PCDHGB7: variants seen among roughly 807,000 people sequenced by gnomAD.
The protein encoded by PCDHGB7 is protocadherin gamma-B7.
Under a neutral mutation model 61.4 loss-of-function variants are expected in PCDHGB7, and 37 were observed. The observed-to-expected ratio is 0.60, with a 90% confidence interval of 0.46 to 0.79. The LOEUF is 0.79. Ranked by LOEUF, PCDHGB7 falls within the 30% of genes least tolerant of loss-of-function variation. The probability of loss-of-function intolerance (pLI) is 0.00; values close to 1 mark genes in which losing one functional copy is unlikely to be tolerated. For synonymous variants in PCDHGB7, 464 were observed against 503.5 expected (o/e 0.92, Z 1.05); for missense variants, 1,166 against 1,202.5 (o/e 0.97, Z 0.45).
At chr5:141,427,492 T>C (rs894605769) in intron 1 of PCDHGB7, 1 of 555,624 alleles carries the variant, frequency 1.8e-6, no homozygotes, top group Non-Finnish European at 3.4e-6. Context: ...TATAAGCTTG[T>C]AACAGATGGG....
chr5:141,500,182 A>ATTTT lies in PCDHGB7; in HGVS notation c.2475-5209_2475-5206dup, dbSNP rs1199992745. Among the ~76,000 whole-genome samples the ATTTT allele has an allele frequency of 1.7e-3, 223 of 131,716 alleles. 2 individuals are homozygous for ATTTT. Among genetic ancestry groups the ATTTT allele is most frequent in the African/African-American group, 6.2e-3 (201 of 32,350 alleles). The allele number at this position is 131,716 out of a possible 152,430, so 86.4% of individuals were successfully genotyped here. On this transcript the variant is annotated intron_variant, in intron 2 of 3. Transcript: ENST00000398594. ...AAGAACATGCATGAGCTTCATTTTT[A>ATTTT]TTTTTATTTATTTATTTATTTATTT...
At chr5:141,464,407 A>C (rs996561936) in intron 1 of PCDHGB7, among the ~76,000 whole-genome samples, 1 of 151,544 alleles carries the variant, frequency 6.6e-6, no homozygotes, top group Non-Finnish European at 1.5e-5. Flanking sequence ...CCTGAGATAT[A>C]TATATATCTA....
chr5:141,508,183 A>G (rs1596134418), intron 3 of PCDHGB7: 1 of 152,336 alleles, frequency 6.6e-6, no homozygotes, highest in African/African-American at 2.4e-5. Context: ...GAGAGAAGGC[A>G]TCACCCCCAC....
rs1473408777 is a variant in PCDHGB7, at chr5:141,419,045, T to G, written c.1186T>G (p.Ser396Ala). ...LSRGVPFKIH[S>A]SSNNYYKLVT... The stretch of plus-strand genomic sequence containing the variant: ...TAGAGGTGTTCCATTTAAGATTCAT[T>G]CTTCTTCTAATAATTACTACAAGCT... Residue 396 changes from serine (S) to alanine (A), a missense_variant, in exon 1 of 4, where the codon TCT (serine) becomes GCT (alanine). Ser to Ala is a moderately conservative substitution (Grantham distance 99, BLOSUM62 1). Coordinates refer to ENST00000398594, the MANE Select transcript of PCDHGB7 (RefSeq NM_018927.4). 6.2e-7 allele frequency: 1 copy of G among 1,613,710 alleles called. No homozygotes were observed. Among genetic ancestry groups the G allele is most frequent in the Non-Finnish European group, 8.5e-7 (1 of 1,179,678 alleles).
intron 1 of PCDHGB7, among the ~76,000 whole-genome samples, chr5:141,455,253 C>T (rs187877877): frequency 6.6e-6 from 1 of 151,986 alleles, no homozygotes; most frequent in East Asian, 1.9e-4. Flanking sequence ...ATAGTACAAT[C>T]GCATTTCTTC....
chr5:141,432,287 G>T lies in PCDHGB7; in HGVS notation c.2415+12013G>T. 1 of 1,614,216 alleles carries T rather than the reference G, an allele frequency of 6.2e-7. No individual in the cohort carries two copies. The highest frequency in any genetic ancestry group is 8.5e-7 in the Non-Finnish European group (1 of 1,180,030). On this transcript the variant is annotated intron_variant, in intron 1 of 3. Coordinates refer to ENST00000398594, the MANE Select transcript of PCDHGB7 (RefSeq NM_018927.4). This position sits in a 1 kb window ranked among gnomAD's most constrained non-coding sequence, Gnocchi z 6.0. ...ATCGTCCTACGTGTCCATCAACTCC[G>T]ACACTGGGGTACTGTATGCGCTGAG...
intron 1 of PCDHGB7, among the ~76,000 whole-genome samples, chr5:141,450,976 C>T (rs2098702750): frequency 6.6e-6 from 1 of 152,032 alleles, no homozygotes; most frequent in Admixed American, 6.6e-5. Flanking sequence ...AGGCATGTGC[C>T]ACCACACCCG....
In PCDHGB7 at chr5:141,485,109, C is replaced by A; in HGVS notation, c.2416-9698C>A. ...AGATAGGTGTCTCCAGCTGCTGTGG[C>A]TGTTTGGGGCGGGTCGGCTTCATCC... On this transcript the variant is annotated intron_variant, in intron 1 of 3. Transcript: ENST00000398594. This position sits in a 1 kb window ranked among gnomAD's most constrained non-coding sequence, Gnocchi z 5.7. The A allele has an allele frequency of 1.6e-6, 2 of 1,230,962 alleles. No individual in the cohort carries two copies. The highest frequency in any genetic ancestry group is 2.4e-6 in the Non-Finnish European group (2 of 850,024). The allele number at this position is 1,230,962 out of a possible 1,614,324, so 76.3% of individuals were successfully genotyped here.
chr5:141,468,039 A>G (rs1007212946), intron 1 of PCDHGB7, among the ~76,000 whole-genome samples: 21 of 152,262 alleles, frequency 1.4e-4, no homozygotes, highest in African/African-American at 5.1e-4. Context: ...CATTTAGAAA[A>G]CTAAGCCGGG....
chr5:141,446,594 A>G (rs571957656), intron 1 of PCDHGB7, among the ~76,000 whole-genome samples: 8 of 152,136 alleles, frequency 5.3e-5, no homozygotes, highest in African/African-American at 1.9e-4. Flanking sequence ...CTTCTGCCTC[A>G]GCCTCCTGAG....
chr5:141,432,919 C>T lies in PCDHGB7; in HGVS notation c.2415+12645C>T. ...TGGCGCTCAGGCTGCGGCGCTGGCACAAGTCACGCCTGCTGCAGGCTTCAG... is the reference window on the plus strand; with the variant it reads ...TGGCGCTCAGGCTGCGGCGCTGGCATAAGTCACGCCTGCTGCAGGCTTCAG... On this transcript the variant is annotated intron_variant, in intron 1 of 3. Coordinates refer to ENST00000398594, the MANE Select transcript of PCDHGB7 (RefSeq NM_018927.4). The surrounding 1 kb of genome is among the most constrained non-coding windows in gnomAD (Gnocchi z 6.0). The T allele has an allele frequency of 2.5e-6, 4 of 1,614,210 alleles. No individual in the cohort carries two copies. Among genetic ancestry groups the T allele is most frequent in the Non-Finnish European group, 3.4e-6 (4 of 1,180,040 alleles).
chr5:141,431,022 G>A lies in PCDHGB7; in HGVS notation c.2415+10748G>A. ...CGCAGCGGCAGCTTGGTCACGGCGG[G>A]CAGGATAGACCGGGAGGAGCTCTGT... On this transcript the variant is annotated intron_variant, in intron 1 of 3. Transcript: ENST00000398594. This position sits in a 1 kb window ranked among gnomAD's most constrained non-coding sequence, Gnocchi z 4.8. 1 of 1,614,078 alleles carries A rather than the reference G, an allele frequency of 6.2e-7. No individual in the cohort carries two copies. Among genetic ancestry groups the A allele is most frequent in the African/African-American group, 1.3e-5 (1 of 75,074 alleles).
rs191188858 is a variant in PCDHGB7, at chr5:141,472,077, A to G, written c.2416-22730A>G. On this transcript the variant is annotated intron_variant, in intron 1 of 3. Transcript: ENST00000398594. ...GATTGACATGTCTGTGGTTATATCA[A>G]TGAGTACTATTATTATTCCCATTTT... 2.4e-3 allele frequency among the ~76,000 whole-genome samples: 365 copies of G among 152,346 alleles called. 2 individuals carry two copies. Among genetic ancestry groups the G allele is most frequent in the African/African-American group, 8.4e-3 (351 of 41,580 alleles).
chr5:141,421,561 G>T (rs2096583505), intron 1 of PCDHGB7: 1 of 1,613,992 alleles, frequency 6.2e-7, no homozygotes, highest in Non-Finnish European at 8.5e-7. Context: ...ACTTCTCGTG[G>T]AAGACACCTT....
intron 2 of PCDHGB7, among the ~76,000 whole-genome samples, chr5:141,503,365 G>A (rs2099819492): frequency 6.6e-6 from 1 of 152,020 alleles, no homozygotes; most frequent in East Asian, 1.9e-4. Flanking sequence ...GGGAAGCGGA[G>A]GCAGGTGGAT....
chr5:141,505,053 T>C (rs904041070), intron 2 of PCDHGB7, among the ~76,000 whole-genome samples: 2 of 152,108 alleles, frequency 1.3e-5, no homozygotes, highest in African/African-American at 4.8e-5. Context: ...TCCCAGCTAC[T>C]TGGGAGACTG....
intron 2 of PCDHGB7, among the ~76,000 whole-genome samples, chr5:141,501,032 C>A (rs1370625012): frequency 6.6e-6 from 1 of 151,976 alleles, no homozygotes; most frequent in Non-Finnish European, 1.5e-5. Context: ...CCACGCCCAG[C>A]TAATTTTTGT....
Position 141,477,914 on chromosome 5 carries a change from G to T in PCDHGB7, c.2416-16893G>T. On this transcript the variant is annotated intron_variant, in intron 1 of 3. Coordinates refer to ENST00000398594, the MANE Select transcript of PCDHGB7 (RefSeq NM_018927.4). The surrounding 1 kb of genome is among the most constrained non-coding windows in gnomAD (Gnocchi z 4.9). ...ACGGGTGGTAGGCTGGGACGCGGAT[G>T]CAGGGCACAATGCCTGGCTCTCCTA... 2 of 1,614,204 alleles carry T rather than the reference G, an allele frequency of 1.2e-6. No homozygotes were observed. The highest frequency in any genetic ancestry group is 1.7e-6 in the Non-Finnish European group (2 of 1,180,044).
Position 141,453,292 on chromosome 5 carries a change from T to A in PCDHGB7, c.2415+33018T>A, listed in dbSNP as rs141563552. The stretch of plus-strand genomic sequence containing the variant: ...CCATGACTGGCTAATTTTTTAATTA[T>A]TTATTTATTTATTTATTTATTTTAG... On this transcript the variant is annotated intron_variant, in intron 1 of 3. Transcript: ENST00000398594. Among the ~76,000 whole-genome samples, 253 of 151,810 alleles carry A rather than the reference T, an allele frequency of 1.7e-3. 1 individual carries two copies. The highest frequency in any genetic ancestry group is 2.6e-3 in the Non-Finnish European group (178 of 67,938).
Sources: gnomAD v4.1 joint callset for allele counts (sites outside exome capture counted in the v4.1 genomes callset) on GRCh38, gnomAD v4.1.1 for gene constraint, Gnocchi (gnomAD v3.1) non-coding constraint, MANE v1.5 for transcripts, NCBI Gene and HGNC (gene_info 2026-07-23, HGNC 2026-07-21) for gene names.